Variants in SPTLC1 observed in about 807,000 individuals in gnomAD.
SPTLC1 encodes serine palmitoyltransferase 1.
In SPTLC1, 55 loss-of-function variants were observed where a neutral mutation model predicts 68.9. The ratio of observed to expected loss-of-function variants is 0.80; its 90% CI spans 0.64 to 1.00. The LOEUF is 1.00. Ranked by LOEUF, SPTLC1 falls within the 50% of genes least tolerant of loss-of-function variation. The pLI is 0.00. For synonymous variants in SPTLC1, 197 were observed against 201.6 expected (o/e 0.98, Z 0.19); for missense variants, 449 against 573.1 (o/e 0.78, Z 2.21).
chr9:92,038,433 A>G (rs995550998), intron 12 of SPTLC1, 68 bp from the exon 13 acceptor site: 22 of 1,031,350 alleles, frequency 2.1e-5, no homozygotes, highest in Non-Finnish European at 3.1e-5. Flanking sequence ...ACGGAGAAAT[A>G]ATGTTAGAAG....
chr9:92,049,868 A>T, intron 9 of SPTLC1, 92 bp downstream of exon 9: 2 of 921,162 alleles, frequency 2.2e-6, no homozygotes, highest in Non-Finnish European at 3.6e-6. Context: ...GATAAGGAAC[A>T]CTGTCTTGTG....
chr9:92,072,248 G>C (rs1418449838), intron 5 of SPTLC1, among the ~76,000 whole-genome samples: 1 of 152,056 alleles, frequency 6.6e-6, no homozygotes, highest in Non-Finnish European at 1.5e-5. Flanking sequence ...ACCAGCCCCC[G>C]CGAACACTCC....
In SPTLC1 at chr9:92,032,847, G is replaced by C. The variant is rs552219174; in HGVS notation, c.1329-289C>G. 2.7e-5 allele frequency among the ~76,000 whole-genome samples: 4 copies of C among 149,750 alleles called. No homozygotes were observed. In the South Asian group the frequency reaches 8.4e-4, roughly 31 times the overall value. On this transcript the variant is annotated intron_variant, in intron 14 of 14. Transcript: ENST00000262554. ...GCCGAGATCGCGCCATTGCACTCCA[G>C]CCTGGGCAACAGAGTGAGACTCTGT... is the stretch of plus-strand genomic sequence containing the variant.
At chr9:92,047,343 C>T in intron 10 of SPTLC1, 75 bp from the exon 11 acceptor site, 1 of 1,207,348 alleles carries the variant, frequency 8.3e-7, no homozygotes, top group Non-Finnish European at 1.2e-6. Context: ...CACCAGTTCT[C>T]TAGAACAACT....
intron 3 of SPTLC1, among the ~76,000 whole-genome samples, chr9:92,095,078 T>C (rs1427866701): frequency 6.6e-6 from 1 of 152,108 alleles, no homozygotes; most frequent in Non-Finnish European, 1.5e-5. Flanking sequence ...ATCTACAAGG[T>C]ATACAGAACC....
chr9:92,082,787 T>C (rs1022762452), intron 3 of SPTLC1, among the ~76,000 whole-genome samples: 3 of 151,518 alleles, frequency 2.0e-5, no homozygotes, highest in African/African-American at 7.3e-5. Context: ...ATGGTATTTC[T>C]AGTTCTAGAT....
intron 3 of SPTLC1, among the ~76,000 whole-genome samples, chr9:92,085,830 T>G (rs1017440827): frequency 3.0e-4 from 45 of 151,826 alleles, no homozygotes; most frequent in Admixed American, 1.6e-3. Flanking sequence ...CTGTCTAATG[T>G]TGACAGTGGG....
intron 6 of SPTLC1, 47 bp from the exon 7 acceptor site, chr9:92,059,355 A>C: frequency 6.2e-7 from 1 of 1,608,622 alleles, no homozygotes. Context: ...GGGTCTTGTC[A>C]ACATTCTCAA....
At chr9:92,093,719 T>G (rs1835444245) in intron 3 of SPTLC1, among the ~76,000 whole-genome samples, 1 of 152,148 alleles carries the variant, frequency 6.6e-6, no homozygotes, top group Admixed American at 6.5e-5. Flanking sequence ...AACTACAAAC[T>G]CAATGCAATC....
intron 3 of SPTLC1, among the ~76,000 whole-genome samples, chr9:92,101,184 TACAG>T (rs1835735297): frequency 6.6e-6 from 1 of 151,670 alleles, no homozygotes; most frequent in African/African-American, 2.4e-5. Flanking sequence ...TACAAAAGAA[TACAG>T]AGAGAAAACT....
chr9:92,047,113 T>C (rs1833541856), intron 11 of SPTLC1, 59 bp downstream of exon 11: 1 of 1,384,346 alleles, frequency 7.2e-7, no homozygotes, highest in Non-Finnish European at 1.0e-6. Context: ...AGTAAATCAG[T>C]AACACAACTA....
In SPTLC1 at chr9:92,032,518, GTTC is replaced by G. The variant is rs1216103562; in HGVS notation, c.1366_1368del (p.Glu456del). ...TTGATGGTGGACGCAGCTCTCTCCA[GTTC>G]TTCCTCTGTTTGTTCCACCGTGACC... On this transcript the variant is annotated inframe_deletion, in exon 15 of 15. Transcript: ENST00000262554. 1 of 1,614,182 alleles carries G rather than the reference GTTC, an allele frequency of 6.2e-7. No individual in the cohort carries two copies. The highest frequency in any genetic ancestry group is 8.5e-7 in the Non-Finnish European group (1 of 1,180,028).
intron 6 of SPTLC1, among the ~76,000 whole-genome samples, chr9:92,063,963 C>T (rs999719030): frequency 1.2e-4 from 19 of 152,192 alleles, no homozygotes; most frequent in African/African-American, 4.3e-4. Flanking sequence ...AATGTCTTCT[C>T]TTACTACTTT....
At chr9:92,040,348 C>A (rs1833297523) in intron 12 of SPTLC1, among the ~76,000 whole-genome samples, 1 of 150,392 alleles carries the variant, frequency 6.6e-6, no homozygotes, top group Non-Finnish European at 1.5e-5. Context: ...CCAGCCTGGG[C>A]AACAAAAGCA....
intron 8 of SPTLC1, among the ~76,000 whole-genome samples, chr9:92,053,102 T>A: frequency 6.8e-6 from 1 of 147,730 alleles, no homozygotes. Context: ...TCTCCAAAGG[T>A]ATACGCATGG....
At chr9:92,046,291 A>G (rs916130267) in intron 11 of SPTLC1, 5 of 558,706 alleles carry the variant, frequency 8.9e-6, no homozygotes, top group African/African-American at 7.6e-5. Flanking sequence ...TGATGCTTTC[A>G]AGAACAATCA....
At chr9:92,060,166 G>C (rs1198625914) in intron 6 of SPTLC1, among the ~76,000 whole-genome samples, 2 of 152,180 alleles carry the variant, frequency 1.3e-5, no homozygotes, top group Non-Finnish European at 2.9e-5. Flanking sequence ...CTGGCAGTAT[G>C]AGGCAGCAGT....
At chr9:92,034,958 A>G in intron 13 of SPTLC1, 75 bp from the exon 14 acceptor site, 3 of 1,183,724 alleles carry the variant, frequency 2.5e-6, no homozygotes, top group Non-Finnish European at 3.8e-6. Context: ...GAACGCTGAA[A>G]TCCTGCAACG....
intron 6 of SPTLC1, among the ~76,000 whole-genome samples, chr9:92,067,748 TA>T (rs1188988952): frequency 6.6e-6 from 1 of 152,186 alleles, no homozygotes; most frequent in Non-Finnish European, 1.5e-5. Flanking sequence ...TGGACATCAA[TA>T]AATAATTACC....
Sources: allele counts gnomAD v4.1 joint callset (sites outside exome capture counted in the v4.1 genomes callset), GRCh38; gene constraint gnomAD v4.1.1; transcripts MANE v1.5; gene names NCBI Gene and HGNC (gene_info 2026-07-23, HGNC 2026-07-21).